The following GABRB3 variants were observed in gnomAD, a reference collection of about 807,000 sequenced individuals.
GABRB3 encodes the protein gamma-aminobutyric acid receptor subunit beta-3.
Under a neutral mutation model 52.1 loss-of-function variants are expected in GABRB3, and 14 were observed. The ratio of observed to expected loss-of-function variants is 0.27; its 90% CI spans 0.18 to 0.42. GABRB3 has a LOEUF of 0.42. Among genes scored for constraint, GABRB3 ranks in the 10% least tolerant of loss-of-function variants. The pLI, the probability that GABRB3 is intolerant of heterozygous loss-of-function variation, is 1.00. For missense variants in GABRB3, 307 were observed against 609.1 expected, an observed-to-expected ratio of 0.50 and a Z score of 5.22; for synonymous variants, 260 against 232.3, an observed-to-expected ratio of 1.12 and a Z score of -1.08.
chr15:26,567,460 A>G, intron 7 of GABRB3, 121 bp downstream of exon 7: 1 of 878,272 alleles, frequency 1.1e-6, no homozygotes. Flanking sequence ...AAGTGACTAT[A>G]CAGGCAATGC....
rs893136082 is a variant in GABRB3, at chr15:26,629,139, G to A, written c.241-7605C>T. 24 of 1,520,056 alleles carry A rather than the reference G, an allele frequency of 1.6e-5. No homozygotes were observed. The African/African-American group carries it at 2.7e-4, about 17-fold the overall frequency. 94.2% of individuals were successfully genotyped at this position (1,520,056 alleles called of 1,614,324 possible). On this transcript the variant is annotated intron_variant, in intron 3 of 8. Transcript: ENST00000311550. ...CTTTACAGGAGAGGCTGAAGCTCGG[G>A]GAGGCGCAGGGGCGGAGTGTGGGGA...
intron 3 of GABRB3, among the ~76,000 whole-genome samples, chr15:26,739,024 T>C (rs1407888746): frequency 1.3e-5 from 2 of 152,136 alleles, no homozygotes; most frequent in African/African-American, 4.8e-5. Flanking sequence ...ACAACCCTGA[T>C]AGATAAATTG....
chr15:26,732,107 T>C (rs767779358), intron 3 of GABRB3, among the ~76,000 whole-genome samples: 18 of 150,586 alleles, frequency 1.2e-4, no homozygotes, highest in Non-Finnish European at 2.4e-4. Flanking sequence ...AGATGATGGA[T>C]AGATGGATGG....
intron 3 of GABRB3, among the ~76,000 whole-genome samples, chr15:26,766,002 T>A (rs562840913): frequency 6.6e-6 from 1 of 152,254 alleles, no homozygotes; most frequent in African/African-American, 2.4e-5. Flanking sequence ...TCTAAAAAAA[T>A]GGAGATGAGG....
At chr15:26,662,979 T>G (rs945260003) in intron 3 of GABRB3, among the ~76,000 whole-genome samples, 1 of 152,222 alleles carries the variant, frequency 6.6e-6, no homozygotes, top group Non-Finnish European at 1.5e-5. Context: ...GGCATAATTC[T>G]AGCACAATAT....
chr15:26,585,094 G>A (rs374085904), intron 4 of GABRB3, among the ~76,000 whole-genome samples: 45 of 152,300 alleles, frequency 3.0e-4, no homozygotes, highest in East Asian at 1.4e-3. Flanking sequence ...GGTTGCAGTC[G>A]TAGTTGTGCC....
intron 3 of GABRB3, among the ~76,000 whole-genome samples, chr15:26,754,909 G>A (rs970715988): frequency 3.3e-5 from 5 of 152,156 alleles, no homozygotes; most frequent in African/African-American, 9.7e-5. Context: ...CGGCTCAGCC[G>A]TGGAGATAAA....
chr15:26,744,208 C>T (rs1409977569), intron 3 of GABRB3, among the ~76,000 whole-genome samples: 2 of 152,052 alleles, frequency 1.3e-5, no homozygotes, highest in Non-Finnish European at 2.9e-5. Context: ...CAGGACACAG[C>T]GGTTGAGTAT....
intron 3 of GABRB3, among the ~76,000 whole-genome samples, chr15:26,736,363 C>T (rs1890066362): frequency 6.6e-6 from 1 of 152,342 alleles, no homozygotes; most frequent in South Asian, 2.1e-4. Flanking sequence ...ATACACTATT[C>T]AATAACATGA....
At chr15:26,594,713 G>C (rs1397114515) in intron 4 of GABRB3, among the ~76,000 whole-genome samples, 2 of 152,180 alleles carry the variant, frequency 1.3e-5, no homozygotes, top group African/African-American at 2.4e-5. Context: ...ATGGGGTCTT[G>C]TTACATTGCC....
intron 3 of GABRB3, among the ~76,000 whole-genome samples, chr15:26,713,722 C>G (rs1566815791): frequency 6.6e-6 from 1 of 152,194 alleles, no homozygotes; most frequent in Non-Finnish European, 1.5e-5. Flanking sequence ...ACAGCATGCT[C>G]CCCGTTTCCA....
intron 3 of GABRB3, among the ~76,000 whole-genome samples, chr15:26,665,989 A>G (rs1460213635): frequency 6.6e-6 from 1 of 152,188 alleles, no homozygotes; most frequent in Non-Finnish European, 1.5e-5. Context: ...TCAATCTCAG[A>G]TAATCCAAAG....
At chr15:26,676,946 C>T (rs969367818) in intron 3 of GABRB3, among the ~76,000 whole-genome samples, 32 of 152,030 alleles carry the variant, frequency 2.1e-4, no homozygotes, top group African/African-American at 7.7e-4. Flanking sequence ...ATAATATTAA[C>T]TAGAGAAGTG....
At chr15:26,769,538 C>T (rs965024774) in intron 3 of GABRB3, among the ~76,000 whole-genome samples, 5 of 152,134 alleles carry the variant, frequency 3.3e-5, no homozygotes, top group African/African-American at 1.2e-4. Context: ...AGGGGTTTGT[C>T]TTGCTTTTCC....
At chr15:26,690,450 T>C (rs1183661873) in intron 3 of GABRB3, among the ~76,000 whole-genome samples, 1 of 152,126 alleles carries the variant, frequency 6.6e-6, no homozygotes, top group Non-Finnish European at 1.5e-5. Flanking sequence ...GGTTTCATTC[T>C]AGGCAAATAA....
rs1262374041 is a variant in GABRB3 at position 26,772,972 on chromosome 15, G to T, written c.-10C>A. The T allele has an allele frequency of 2.1e-6, 3 of 1,412,268 alleles. No individual in the cohort carries two copies. The highest frequency in any genetic ancestry group is 3.0e-5 in the African/African-American group (2 of 66,856). 87.5% of individuals were successfully genotyped at this position (1,412,268 alleles called of 1,614,324 possible). A position where few individuals can be genotyped will look rare whatever the true frequency, so the allele number is the denominator to read the frequency against. On this transcript the variant is annotated 5_prime_UTR_variant, in exon 1 of 9. Transcript: ENST00000311550. ...CCGCAAGGCCCCACATCCCTCCGCCGCGCCCCGGCACGGGGGAGGGGGCGC... is the reference window on the plus strand; with the variant it reads ...CCGCAAGGCCCCACATCCCTCCGCCTCGCCCCGGCACGGGGGAGGGGGCGC...
intron 3 of GABRB3, among the ~76,000 whole-genome samples, chr15:26,734,829 TG>T (rs1206457966): frequency 6.6e-6 from 1 of 151,680 alleles, no homozygotes; most frequent in East Asian, 1.9e-4. Flanking sequence ...CATGGGAGGA[TG>T]GCTTGAGCCT....
chr15:26,743,512 T>C (rs773356681), intron 3 of GABRB3, among the ~76,000 whole-genome samples: 1 of 152,188 alleles, frequency 6.6e-6, no homozygotes, highest in Non-Finnish European at 1.5e-5. Context: ...TATATTATTG[T>C]AAATATTTCT....
At position 26,621,242 on chromosome 15, in the gene GABRB3, T is replaced by A; in HGVS notation, c.461+72A>T. ...GAGGTCATTGCCTCACTTACAATAATCATCTCAAGTGAGATATTCAACACC... is the reference window on the plus strand; with the variant it reads ...GAGGTCATTGCCTCACTTACAATAAACATCTCAAGTGAGATATTCAACACC... On this transcript the variant is annotated intron_variant, in intron 4 of 8. Coordinates refer to ENST00000311550, the MANE Select transcript of GABRB3 (RefSeq NM_000814.6). The surrounding 1 kb of genome is among the most constrained non-coding windows in gnomAD (Gnocchi z 4.1). 8.7e-7 allele frequency: 1 copy of A among 1,145,136 alleles called. No homozygotes were observed. Among genetic ancestry groups the A allele is most frequent in the Non-Finnish European group, 1.3e-6 (1 of 753,576 alleles). 70.9% of individuals were successfully genotyped at this position (1,145,136 alleles called of 1,614,324 possible). A position where few individuals can be genotyped will look rare whatever the true frequency, so the allele number is the denominator to read the frequency against.
Sources: allele counts gnomAD v4.1 joint callset (sites outside exome capture counted in the v4.1 genomes callset), GRCh38; gene constraint gnomAD v4.1.1; non-coding constraint Gnocchi (gnomAD v3.1); transcripts MANE v1.5; gene names NCBI Gene and HGNC (gene_info 2026-07-23, HGNC 2026-07-21).